Variants in FAHD2B observed in about 807,000 individuals in gnomAD.
The protein encoded by FAHD2B is oxaloacetate tautomerase FAHD2B, mitochondrial.
Under a neutral mutation model 33.7 loss-of-function variants are expected in FAHD2B, and 26 were observed. The observed-to-expected ratio is 0.77, with a 90% CI of 0.57 to 1.07. The LOEUF (loss-of-function observed/expected upper bound fraction) is 1.07. Ranked by LOEUF, FAHD2B falls within the 50% of genes least tolerant of loss-of-function variation. The probability of loss-of-function intolerance (pLI) is 0.00; values close to 1 mark genes in which losing one functional copy is unlikely to be tolerated. For missense variants in FAHD2B, 272 were observed against 388.1 expected, an observed-to-expected ratio of 0.70 and a Z score of 2.51; for synonymous variants, 108 against 150.9, an observed-to-expected ratio of 0.72 and a Z score of 2.08.
chr2:97,081,034 G>A (rs560416669), downstream of FAHD2B: 248 of 1,388,880 alleles, frequency 1.8e-4, 2 homozygotes, highest in Middle Eastern at 1.4e-3. Flanking sequence ...TCTGGAGGCC[G>A]AGGTGGGATG....
At chr2:97,082,510 T>C, downstream of FAHD2B, 2 of 1,607,894 alleles carry the variant, frequency 1.2e-6, no homozygotes, top group Non-Finnish European at 8.5e-7. Context: ...CAGTGGTGTT[T>C]GCTGGTGGCT....
chr2:97,082,484 C>T (rs552401817), downstream of FAHD2B: 88 of 1,612,526 alleles, frequency 5.5e-5, 2 homozygotes, highest in Middle Eastern at 7.1e-4. Context: ...AACCAGTCAG[C>T]CCAGGCTCCT....
Position 97,090,260 on chromosome 2 carries a change from C to T in FAHD2B, c.311G>A (p.Trp104Ter), listed in dbSNP as rs368982367. Reference sequence around the variant, plus strand: ...GCCCACACACACCACCTTATCTGGCCATGTGACTGGAGCCAGGAAGGTTAC... The same window carrying T: ...GCCCACACACACCACCTTATCTGGCTATGTGACTGGAGCCAGGAAGGTTAC... ...SEVTFLAPVT[W>*]PDKVVCVGMN... The change falls in exon 4 of 9, where the codon TGG becomes TAG. Residue 104 changes from tryptophan to a stop codon, truncating the protein, a stop_gained. Coordinates refer to ENST00000414820, the MANE Select transcript of FAHD2B (RefSeq NM_001320848.2). LOFTEE classifies it high-confidence loss of function. The T allele has an allele frequency of 2.9e-4, 461 of 1,613,018 alleles. 7 individuals are homozygous for T. The East Asian group carries it at 8.8e-3, about 31-fold the overall frequency.
chr2:97,092,960 G>A (rs1156882105), intron 1 of FAHD2B, among the ~76,000 whole-genome samples: 1 of 116,952 alleles, frequency 8.6e-6, no homozygotes, highest in African/African-American at 3.4e-5. Context: ...GCAACAGAGC[G>A]ACTCCAAAAA....
At chr2:97,085,333 T>C (rs1262064052) in intron 6 of FAHD2B, among the ~76,000 whole-genome samples, 3 of 150,720 alleles carry the variant, frequency 2.0e-5, no homozygotes, top group Non-Finnish European at 4.4e-5. Context: ...TCACACTGGC[T>C]TTCATCTGTA....
chr2:97,079,873 C>T (rs1327650774), downstream of FAHD2B, among the ~76,000 whole-genome samples: 1 of 151,972 alleles, frequency 6.6e-6, no homozygotes, highest in Non-Finnish European at 1.5e-5. Context: ...TCATGTTGGC[C>T]AGGCTGGTCT....
chr2:97,093,801 T>C (rs1189835222), intron 1 of FAHD2B, among the ~76,000 whole-genome samples: 9 of 152,066 alleles, frequency 5.9e-5, no homozygotes, highest in African/African-American at 1.4e-4. Flanking sequence ...TTGTGGAAGG[T>C]AGGTACTGTT....
At chr2:97,094,134 T>A (rs566845389) in intron 1 of FAHD2B, among the ~76,000 whole-genome samples, 1 of 152,044 alleles carries the variant, frequency 6.6e-6, no homozygotes, top group Non-Finnish European at 1.5e-5. Context: ...CAAACAGCCA[T>A]GCGTGGGGAA....
downstream of FAHD2B, chr2:97,082,421 G>C: frequency 6.2e-7 from 1 of 1,613,740 alleles, no homozygotes; most frequent in Non-Finnish European, 8.5e-7. Context: ...CAGACCAGCT[G>C]TTCCAGTTCC....
intron 4 of FAHD2B, 29 bp downstream of exon 4, chr2:97,090,080 A>G (rs1184171681): frequency 1.4e-6 from 2 of 1,424,616 alleles, no homozygotes; most frequent in African/African-American, 1.4e-5. Context: ...GGGCCCAGTG[A>G]CTAGGGAGGG....
At position 97,086,089 on chromosome 2, in the gene FAHD2B, CTGGGG is replaced by C. The variant is rs774866230; in HGVS notation, c.522+45_522+49del. 5.0e-6 allele frequency: 8 copies of C among 1,601,792 alleles called. No individual in the cohort carries two copies. In the South Asian group the frequency reaches 9.0e-5, roughly 18 times the overall value. ...AGGTCAGAACTAGGAGAGGCAGGAG[CTGGGG>C]CCTCTGCTGCACTCTGGCCTGGGAG... is the stretch of plus-strand genomic sequence containing the variant. On this transcript the variant is annotated intron_variant, in intron 5 of 8. Transcript: ENST00000414820.
intron 4 of FAHD2B, among the ~76,000 whole-genome samples, chr2:97,088,896 C>T (rs1435394479): frequency 6.6e-6 from 1 of 151,922 alleles, no homozygotes; most frequent in Non-Finnish European, 1.5e-5. Context: ...GTCACCCCAA[C>T]CCCTGCCAAA....
chr2:97,083,368 T>C, downstream of FAHD2B: 2 of 1,484,788 alleles, frequency 1.3e-6, no homozygotes, highest in Non-Finnish European at 9.0e-7. Flanking sequence ...TCTATAAATA[T>C]AATCATTGAG....
intron 1 of FAHD2B, among the ~76,000 whole-genome samples, 193 bp from the exon 2 acceptor site, chr2:97,092,181 G>A (rs1322567131): frequency 6.6e-6 from 1 of 152,128 alleles, no homozygotes; most frequent in Non-Finnish European, 1.5e-5. Context: ...GCAGGACCAG[G>A]AATTAGCTGG....
At chr2:97,086,508 C>A in intron 4 of FAHD2B, 1 of 375,398 alleles carries the variant, frequency 2.7e-6, no homozygotes, top group Non-Finnish European at 5.0e-6. Context: ...AGGATAAATA[C>A]GAAGTAATAT....
chr2:97,084,263 T>G lies in FAHD2B; in HGVS notation c.700A>C (p.Lys234Gln), dbSNP rs1438089837. Residue 234 changes from lysine (K) to glutamine (Q), a missense_variant, in exon 7 of 9, where the codon AAG (lysine) becomes CAG (glutamine). Physicochemically the swap from Lys to Gln is moderately conservative, Grantham distance 53. Coordinates refer to ENST00000414820, the MANE Select transcript of FAHD2B (RefSeq NM_001320848.2). Reference protein sequence around the residue: ...KDSVADPHNLKICCRVNGEVV... With the variant: ...KDSVADPHNLQICCRVNGEVV... ...TCCCCATTCACTCGGCAGCAGATCT[T>G]TAAGTTGTGTGGATCTGAAATGCAA... 6.2e-7 allele frequency: 1 copy of G among 1,613,640 alleles called. No individual in the cohort carries two copies. Among genetic ancestry groups the G allele is most frequent in the Non-Finnish European group, 8.5e-7 (1 of 1,179,848 alleles).
chr2:97,087,796 T>C (rs1365907530), intron 4 of FAHD2B, among the ~76,000 whole-genome samples: 1 of 152,082 alleles, frequency 6.6e-6, no homozygotes, highest in Non-Finnish European at 1.5e-5. Context: ...GGCAATAAGA[T>C]AGTTATGTGA....
chr2:97,084,575 T>G (rs898446931), intron 6 of FAHD2B, among the ~76,000 whole-genome samples: 1 of 151,970 alleles, frequency 6.6e-6, no homozygotes, highest in African/African-American at 2.4e-5. Context: ...AAAGGGCATC[T>G]GTCTACAGCA....
chr2:97,085,318 G>A (rs996266762), intron 6 of FAHD2B, among the ~76,000 whole-genome samples: 1 of 150,678 alleles, frequency 6.6e-6, no homozygotes, highest in African/African-American at 2.4e-5. Flanking sequence ...CAGTGGCTGG[G>A]TGAGTCACAC....
Sources: gnomAD v4.1 joint callset for allele counts (sites outside exome capture counted in the v4.1 genomes callset) on GRCh38, gnomAD v4.1.1 for gene constraint, MANE v1.5 for transcripts, NCBI Gene and HGNC (gene_info 2026-07-23, HGNC 2026-07-21) for gene names.